The following HMGN5 variants were observed in gnomAD, a reference collection of about 807,000 sequenced individuals.
The protein encoded by HMGN5 is high mobility group nucleosome binding domain 5.
A neutral mutation model predicts 9.5 loss-of-function variants in HMGN5; 4 were observed. That is an observed-to-expected ratio of 0.42 (90% CI 0.21 to 0.96). The LOEUF (loss-of-function observed/expected upper bound fraction) is 0.96. Ranked by LOEUF, HMGN5 falls within the 40% of genes least tolerant of loss-of-function variation. The probability of loss-of-function intolerance (pLI) is 0.30; values close to 1 mark genes in which losing one functional copy is unlikely to be tolerated. For missense variants in HMGN5, 192 were observed against 187.5 expected (o/e 1.02, Z -0.14); for synonymous variants, 55 against 57.1 (o/e 0.96, Z 0.16).
intron 1 of HMGN5, among the ~76,000 whole-genome samples, chrX:81,134,216 C>T (rs2075305509): frequency 9.0e-6 from 1 of 111,384 alleles, no homozygotes. Flanking sequence ...TGCCATTTCT[C>T]AATTTTGGTT....
chrX:81,158,887 A>G (rs1417206726), intron 1 of HMGN5, among the ~76,000 whole-genome samples: 2 of 111,609 alleles, frequency 1.8e-5, no homozygotes, highest in Non-Finnish European at 3.8e-5. Context: ...TACTGGGTAT[A>G]TATCCAAAGG....
rs764720196 is a variant in HMGN5, at chrX:81,173,624, C to T, written c.-124+28113G>A. On this transcript the variant is annotated intron_variant, in intron 1 of 6. Coordinates refer to ENST00000358130, the MANE Select transcript of HMGN5 (RefSeq NM_030763.3). ...AATATTTCTTTTTCTTGTGCTTCCA[C>T]GCTATTTTGTGTGTTTTATATATAT... Among the ~76,000 whole-genome samples, 26 of 112,019 alleles carry T rather than the reference C, an allele frequency of 2.3e-4. No homozygotes were observed. The East Asian group carries it at 5.3e-3, about 23-fold the overall frequency.
At chrX:81,198,215 C>T (rs931454932) in intron 1 of HMGN5, among the ~76,000 whole-genome samples, 6 of 111,280 alleles carry the variant, frequency 5.4e-5, no homozygotes, top group African/African-American at 1.3e-4. Flanking sequence ...AGGTTTAGTT[C>T]GATAGTCAAT....
At chrX:81,117,970 T>TTAAAATTTCCATTTAA (rs2075258979) in intron 5 of HMGN5, among the ~76,000 whole-genome samples, 3 of 110,425 alleles carry the variant, frequency 2.7e-5, no homozygotes, top group African/African-American at 9.8e-5. Flanking sequence ...CAAAATCAAT[T>TTAAAATTTCCATTTAA]GTGTCCATTT....
intron 1 of HMGN5, among the ~76,000 whole-genome samples, chrX:81,168,172 G>A (rs1024920503): frequency 2.7e-5 from 3 of 111,824 alleles, no homozygotes; most frequent in Non-Finnish European, 5.6e-5. Context: ...GCTATTATGC[G>A]AAGTATTCCA....
chrX:81,154,666 T>C (rs2075377988), intron 1 of HMGN5, among the ~76,000 whole-genome samples: 2 of 109,826 alleles, frequency 1.8e-5, no homozygotes, highest in Admixed American at 9.7e-5. Flanking sequence ...GACAACTCTA[T>C]AGGAAAAAAA....
intron 1 of HMGN5, among the ~76,000 whole-genome samples, chrX:81,181,058 C>T (rs1187525793): frequency 1.8e-5 from 2 of 109,956 alleles, no homozygotes; most frequent in Non-Finnish European, 3.8e-5. Context: ...AGGGGTGGGG[C>T]CTGGGGGAGG....
At chrX:81,172,696 TAAAC>T (rs764628308) in intron 1 of HMGN5, among the ~76,000 whole-genome samples, 26 of 109,761 alleles carry the variant, frequency 2.4e-4, no homozygotes, top group Non-Finnish European at 2.9e-4. Flanking sequence ...TAAAAGCAAA[TAAAC>T]AAAAAATTTA....
chrX:81,192,290 T>TA (rs959525011), intron 1 of HMGN5, among the ~76,000 whole-genome samples: 4 of 111,926 alleles, frequency 3.6e-5, no homozygotes, highest in Non-Finnish European at 7.5e-5. Context: ...GAATGAACAC[T>TA]AAGCTGCCCT....
chrX:81,155,934 G>A (rs187940462), intron 1 of HMGN5, among the ~76,000 whole-genome samples: 181 of 111,630 alleles, frequency 1.6e-3, no homozygotes, highest in Non-Finnish European at 2.8e-3. Context: ...ATGTAGAAAT[G>A]TGAACAAGGT....
At chrX:81,190,848 T>C (rs976149298) in intron 1 of HMGN5, among the ~76,000 whole-genome samples, 7 of 111,422 alleles carry the variant, frequency 6.3e-5, no homozygotes, top group Admixed American at 2.9e-4. Context: ...ATTAGCTCAA[T>C]TGCCTTCATT....
intron 1 of HMGN5, among the ~76,000 whole-genome samples, chrX:81,155,725 C>T (rs771918826): frequency 8.1e-5 from 9 of 111,504 alleles, no homozygotes; most frequent in African/African-American, 2.6e-4. Context: ...AAATAAATAA[C>T]AGATTGCCAG....
chrX:81,199,609 C>T (rs753334960), intron 1 of HMGN5, among the ~76,000 whole-genome samples: 1 of 111,857 alleles, frequency 8.9e-6, no homozygotes, highest in African/African-American at 3.3e-5. Flanking sequence ...ACAAACCTGA[C>T]AAAAACAAGC....
At chrX:81,187,696 G>A (rs969790034) in intron 1 of HMGN5, among the ~76,000 whole-genome samples, 5 of 111,562 alleles carry the variant, frequency 4.5e-5, no homozygotes, top group Non-Finnish European at 9.4e-5. Flanking sequence ...TTCATTTCTG[G>A]TCAGTGTTAT....
intron 1 of HMGN5, among the ~76,000 whole-genome samples, chrX:81,145,291 C>T (rs933468675): frequency 8.9e-6 from 1 of 112,081 alleles, no homozygotes; most frequent in Non-Finnish European, 1.9e-5. Flanking sequence ...ACCCATCACA[C>T]TAACAGCAGA....
intron 1 of HMGN5, among the ~76,000 whole-genome samples, chrX:81,147,040 C>G (rs58219826): frequency 9.0e-6 from 1 of 111,384 alleles, no homozygotes; most frequent in Non-Finnish European, 1.9e-5. Context: ...CAGGACCAGA[C>G]GGACTCACAG....
chrX:81,130,674 C>T (rs2075295939), intron 1 of HMGN5, among the ~76,000 whole-genome samples: 1 of 110,314 alleles, frequency 9.1e-6, no homozygotes, highest in South Asian at 3.8e-4. Flanking sequence ...GCCATCGTGC[C>T]TCCAACTGAG....
intron 1 of HMGN5, among the ~76,000 whole-genome samples, chrX:81,134,087 T>G (rs1201400897): frequency 9.0e-6 from 1 of 111,308 alleles, no homozygotes; most frequent in Non-Finnish European, 1.9e-5. Flanking sequence ...TACATTTAGA[T>G]CTAGCAAAAA....
At chrX:81,175,578 T>C (rs749974919) in intron 1 of HMGN5, among the ~76,000 whole-genome samples, 5 of 111,539 alleles carry the variant, frequency 4.5e-5, no homozygotes, top group Non-Finnish European at 9.4e-5. Context: ...CTTAAATATA[T>C]TGATTCCATA....
Sources: allele counts gnomAD v4.1 joint callset (sites outside exome capture counted in the v4.1 genomes callset), GRCh38; gene constraint gnomAD v4.1.1; transcripts MANE v1.5; gene names NCBI Gene and HGNC (gene_info 2026-07-23, HGNC 2026-07-21).